ITGA11: variants seen among roughly 807,000 people sequenced by gnomAD.
ITGA11 encodes integrin alpha-11.
In ITGA11, 97 loss-of-function variants were observed where a neutral mutation model predicts 141.9. The observed-to-expected ratio is 0.68, with a 90% CI of 0.58 to 0.81. The LOEUF (loss-of-function observed/expected upper bound fraction) is 0.81, where lower values mean the gene tolerates loss of function less well. Among genes scored for constraint, ITGA11 ranks in the 30% least tolerant of loss-of-function variants. The pLI, the probability that ITGA11 is intolerant of heterozygous loss-of-function variation, is 0.00. For synonymous variants in ITGA11, 658 were observed against 624.6 expected (o/e 1.05, Z -0.80); for missense variants, 1,387 against 1,559.2 (o/e 0.89, Z 1.86).
At chr15:68,404,337 G>C (rs1039418952) in intron 1 of ITGA11, among the ~76,000 whole-genome samples, 2 of 152,136 alleles carry the variant, frequency 1.3e-5, no homozygotes, top group Non-Finnish European at 2.9e-5. Context: ...CAGCTGAAGC[G>C]AGCACAGAAA....
At chr15:68,315,238 C>T (rs563188643) in intron 22 of ITGA11, among the ~76,000 whole-genome samples, 1 of 152,296 alleles carries the variant, frequency 6.6e-6, no homozygotes, top group African/African-American at 2.4e-5. Context: ...TTCACTCACC[C>T]TCTCTGAGCC....
rs1894886636 is a variant in ITGA11 at position 68,350,841 on chromosome 15, A to G, written c.895-59T>C. ...GAACATAGCACAGACTTTCCCATACACCACACGGCCTAGACCCTGGGGACC... is the reference window on the plus strand; with the variant it reads ...GAACATAGCACAGACTTTCCCATACGCCACACGGCCTAGACCCTGGGGACC... On this transcript the variant is annotated intron_variant, in intron 8 of 29. Coordinates refer to ENST00000315757, the MANE Select transcript of ITGA11 (RefSeq NM_001004439.2). The G allele has an allele frequency of 9.7e-6, 15 of 1,548,442 alleles. No individual in the cohort carries two copies. In the South Asian group the frequency reaches 1.5e-4, roughly 15 times the overall value.
intron 12 of ITGA11, among the ~76,000 whole-genome samples, chr15:68,332,967 T>A (rs749840945): frequency 3.0e-4 from 46 of 152,350 alleles, no homozygotes; most frequent in Non-Finnish European, 5.6e-4. Flanking sequence ...ATACTGATTT[T>A]TAAATAAAAC....
chr15:68,346,464 ATTATTTAAGAGTCT>A (rs575779547), intron 10 of ITGA11, among the ~76,000 whole-genome samples: 1 of 152,282 alleles, frequency 6.6e-6, no homozygotes, highest in African/African-American at 2.4e-5. Flanking sequence ...CAGTGAGCTG[ATTATTTAAGAGTCT>A]TTCTCCCCAG....
chr15:68,389,776 G>A (rs899664495), intron 2 of ITGA11, among the ~76,000 whole-genome samples: 1 of 152,118 alleles, frequency 6.6e-6, no homozygotes, highest in Admixed American at 6.5e-5. Flanking sequence ...GTTCTGCCTT[G>A]CTGAGAGCTG....
intron 1 of ITGA11, among the ~76,000 whole-genome samples, chr15:68,431,631 C>G (rs1246811623): frequency 1.3e-5 from 2 of 152,370 alleles, no homozygotes. Context: ...TTCCCTTCCC[C>G]AGCCGGGGCC....
At chr15:68,365,230 A>G in intron 3 of ITGA11, 3 of 985,074 alleles carry the variant, frequency 3.0e-6, no homozygotes, top group South Asian at 9.4e-5. Context: ...CCTGTGCCCA[A>G]CTCTTTCTGT....
intron 13 of ITGA11, 35 bp from the exon 14 acceptor site, chr15:68,332,097 G>A (rs1347452333): frequency 3.3e-6 from 5 of 1,537,462 alleles, no homozygotes; most frequent in South Asian, 1.2e-5. Flanking sequence ...GCTGGGGAGG[G>A]TTTGGCAAAA....
chr15:68,383,618 AC>A, intron 2 of ITGA11, among the ~76,000 whole-genome samples: 1 of 152,138 alleles, frequency 6.6e-6, no homozygotes, highest in East Asian at 1.9e-4. Flanking sequence ...GCTATCTTGC[AC>A]CCCCTAGTGT....
intron 11 of ITGA11, among the ~76,000 whole-genome samples, chr15:68,337,322 C>T (rs1291152135): frequency 1.3e-5 from 2 of 151,992 alleles, no homozygotes; most frequent in Non-Finnish European, 2.9e-5. Flanking sequence ...GCTGGGCCAG[C>T]CTCCCTGAAG....
chr15:68,311,073 G>T lies in ITGA11; in HGVS notation c.3095C>A (p.Thr1032Lys), dbSNP rs759923280. The stretch of plus-strand genomic sequence containing the variant: ...GCTATTGCCCCAGATGTTACAGGAC[G>T]TGTTCGCCTACATAAAGGACATGGA... Reference protein sequence around the residue: ...LRDFLTDEANTSCNIWGNSTE... With the variant: ...LRDFLTDEANKSCNIWGNSTE... The change falls in exon 26 of 30, where the codon ACG becomes AAG. Residue 1032 changes from threonine to lysine, a missense_variant. Physicochemically the swap from Thr to Lys is moderately conservative, Grantham distance 78 (BLOSUM62 -1). Transcript: ENST00000315757. 25 of 1,607,008 alleles carry T rather than the reference G, an allele frequency of 1.6e-5. No homozygotes were observed. Among genetic ancestry groups the T allele is most frequent in the Non-Finnish European group, 2.0e-5 (23 of 1,176,458 alleles).
chr15:68,314,451 G>A (rs1893502190), intron 22 of ITGA11, among the ~76,000 whole-genome samples: 1 of 152,086 alleles, frequency 6.6e-6, no homozygotes, highest in African/African-American at 2.4e-5. Context: ...GAACTACCGG[G>A]GCAAATCATT....
chr15:68,347,652 G>A (rs979415949), intron 10 of ITGA11, among the ~76,000 whole-genome samples: 10 of 152,092 alleles, frequency 6.6e-5, no homozygotes, highest in African/African-American at 1.7e-4. Context: ...TCCCTCTCAC[G>A]GAGCAGCTGC....
rs2140265737 is a variant in ITGA11 at position 68,307,412 on chromosome 15, T to C, written c.3317A>G (p.Asn1106Ser). The C allele has an allele frequency of 6.4e-7, 1 of 1,558,306 alleles. No homozygotes were observed. The highest frequency in any genetic ancestry group is 8.7e-7 in the Non-Finnish European group (1 of 1,150,262). Residue 1106 changes from asparagine to serine, a missense_variant, in exon 28 of 30, where the codon AAC (asparagine) becomes AGC (serine). Transcript: ENST00000315757. This position sits in a 1 kb window ranked among gnomAD's most constrained non-coding sequence, Gnocchi z 6.1. ...LKYKSMKIMVNAALQRQFHSP... is the reference protein window; with the variant it reads ...LKYKSMKIMVSAALQRQFHSP... ...GTGGAACTGCCTCTGCAAGGCTGCG[T>C]TGACCATGATTTTCATGGATTTGTA...
intron 3 of ITGA11, among the ~76,000 whole-genome samples, chr15:68,368,233 C>A (rs1895487702): frequency 6.6e-6 from 1 of 152,208 alleles, no homozygotes. Flanking sequence ...GGGGTGGAGA[C>A]CCCGCTCCTC....
rs564373899 is a variant in ITGA11, at chr15:68,384,540, C to T, written c.165-15256G>A. 5.3e-5 allele frequency among the ~76,000 whole-genome samples: 8 copies of T among 152,304 alleles called. No homozygotes were observed. In the East Asian group the frequency reaches 1.5e-3, roughly 29 times the overall value. ...CCAGCCCTCTGCAGCTCATTTTCTT[C>T]TTGTCTGTGTGTGCCTGCCAAGGTC... On this transcript the variant is annotated intron_variant, in intron 2 of 29. Transcript: ENST00000315757.
chr15:68,386,380 C>A (rs920137656), intron 2 of ITGA11, among the ~76,000 whole-genome samples: 8 of 152,142 alleles, frequency 5.3e-5, no homozygotes, highest in Admixed American at 5.2e-4. Flanking sequence ...TCAGGACACC[C>A]AATTCCACAG....
At position 68,303,791 on chromosome 15, in the gene ITGA11, A is replaced by G. The variant is rs374029863; in HGVS notation, c.3476T>C (p.Leu1159Pro). Residue 1159 changes from leucine (L) to proline (P), a missense_variant, in exon 29 of 30, where the codon CTG becomes CCG. Transcript: ENST00000315757. The surrounding 1 kb of genome is among the most constrained non-coding windows in gnomAD (Gnocchi z 5.3). ...CCTCACCTTCCACAGTGCCAGGACC[A>G]GCAGGGCCAGCAGTAGGAGGCCCCC... The part of the protein sequence containing the change: ...TLGGLLLLAL[L>P]VLALWKLGFF... 2.9e-4 allele frequency: 471 copies of G among 1,611,578 alleles called. No homozygotes were observed. The highest frequency in any genetic ancestry group is 3.8e-4 in the Non-Finnish European group (447 of 1,178,210).
At chr15:68,351,854 G>A (rs72743245) in intron 7 of ITGA11, among the ~76,000 whole-genome samples, 3,483 of 152,172 alleles carry the variant, frequency 0.023, 55 homozygotes, top group South Asian at 0.035. Context: ...AGCCGAAGGC[G>A]GGCAGATCAA....
Sources: allele counts gnomAD v4.1 joint callset (sites outside exome capture counted in the v4.1 genomes callset), GRCh38; gene constraint gnomAD v4.1.1; non-coding constraint Gnocchi (gnomAD v3.1); transcripts MANE v1.5; gene names NCBI Gene and HGNC (gene_info 2026-07-23, HGNC 2026-07-21).